MBOAT2: variants seen among roughly 807,000 people sequenced by gnomAD.
MBOAT2 encodes the protein membrane-bound glycerophospholipid O-acyltransferase 2.
Under a neutral mutation model 63.4 loss-of-function variants are expected in MBOAT2, and 28 were observed. The observed-to-expected ratio is 0.44, with a 90% CI of 0.33 to 0.61. The LOEUF is 0.61. Ranked by LOEUF, MBOAT2 falls within the 20% of genes least tolerant of loss-of-function variation. The pLI is 0.03. For missense variants in MBOAT2, 470 were observed against 605.8 expected (o/e 0.78, Z 2.35); for synonymous variants, 211 against 215.6 (o/e 0.98, Z 0.19).
chr2:8,974,759 AC>A (rs981180986), intron 1 of MBOAT2, among the ~76,000 whole-genome samples: 4 of 152,164 alleles, frequency 2.6e-5, no homozygotes, highest in African/African-American at 9.7e-5. Context: ...AAATTTCCAA[AC>A]AAGAAGCTAA....
At chr2:8,926,502 G>A (rs1666942614) in intron 3 of MBOAT2, among the ~76,000 whole-genome samples, 1 of 152,168 alleles carries the variant, frequency 6.6e-6, no homozygotes, top group Non-Finnish European at 1.5e-5. Context: ...TTCATGTTGG[G>A]GGCAGGGGGC....
intron 1 of MBOAT2, among the ~76,000 whole-genome samples, chr2:8,977,392 T>C (rs1051807322): frequency 1.3e-5 from 2 of 152,134 alleles, no homozygotes; most frequent in Admixed American, 6.5e-5. Flanking sequence ...TACTGAAATG[T>C]CTGTATTTCT....
chr2:8,879,874 C>T (rs943623267), intron 6 of MBOAT2, among the ~76,000 whole-genome samples: 2 of 152,022 alleles, frequency 1.3e-5, no homozygotes, highest in African/African-American at 4.8e-5. Flanking sequence ...GACAGTAATA[C>T]CTACTATGAG....
At chr2:8,922,277 T>C (rs567110320) in intron 3 of MBOAT2, among the ~76,000 whole-genome samples, 3 of 152,278 alleles carry the variant, frequency 2.0e-5, no homozygotes, top group Non-Finnish European at 2.9e-5. Context: ...ATCCTCCTTA[T>C]CTTAATTCTT....
At chr2:8,882,624 C>A in intron 5 of MBOAT2, 59 bp from the exon 6 acceptor site, 2 of 1,445,542 alleles carry the variant, frequency 1.4e-6, no homozygotes, top group Non-Finnish European at 9.7e-7. Context: ...GGCATTTTTG[C>A]CCATGCACAC....
chr2:8,922,626 G>C (rs1162132731), intron 3 of MBOAT2, among the ~76,000 whole-genome samples: 1 of 152,212 alleles, frequency 6.6e-6, no homozygotes, highest in Admixed American at 6.5e-5. Flanking sequence ...TGAGTGGTCA[G>C]TCAATGATTA....
In MBOAT2 at chr2:8,854,026, G is replaced by C. The variant is rs1320901386; in HGVS notation, c.*4653C>G. 1 of 152,174 alleles carries C rather than the reference G, an allele frequency of 6.6e-6. No homozygotes were observed. Among genetic ancestry groups the C allele is most frequent in the African/African-American group, 2.4e-5 (1 of 41,438 alleles). 9.4% of individuals were successfully genotyped at this position (152,174 alleles called of 1,614,324 possible). A position where few individuals can be genotyped will look rare whatever the true frequency, so the allele number is the denominator to read the frequency against. The stretch of plus-strand genomic sequence containing the variant: ...TGGCTGCAACCTCTGTACAAGAAAA[G>C]CCTCAAAAAGCAGCTTAAGCATTGA... On this transcript the variant is annotated 3_prime_UTR_variant, in exon 13 of 13. Transcript: ENST00000305997.
intron 9 of MBOAT2, among the ~76,000 whole-genome samples, chr2:8,865,731 G>A (rs1206043570): frequency 6.6e-6 from 1 of 152,152 alleles, no homozygotes; most frequent in Admixed American, 6.5e-5. Context: ...CTCCTGAAAC[G>A]GTTGTTCATA....
chr2:8,895,409 G>A (rs1046162886), intron 4 of MBOAT2, among the ~76,000 whole-genome samples: 3 of 152,176 alleles, frequency 2.0e-5, no homozygotes, highest in Non-Finnish European at 4.4e-5. Context: ...CAATCCTTTA[G>A]CTAGACACAG....
chr2:8,996,021 T>TC (rs1195233648), intron 1 of MBOAT2, among the ~76,000 whole-genome samples: 4 of 152,224 alleles, frequency 2.6e-5, no homozygotes, highest in African/African-American at 4.8e-5. Flanking sequence ...TCCCTGGCCC[T>TC]CATTGGGTAT....
intron 1 of MBOAT2, among the ~76,000 whole-genome samples, chr2:8,985,071 T>C (rs1375243984): frequency 6.6e-6 from 1 of 151,760 alleles, no homozygotes; most frequent in African/African-American, 2.4e-5. Flanking sequence ...TATATGCATA[T>C]AGTTCCTCAG....
At chr2:8,926,340 G>T (rs1414014792) in intron 3 of MBOAT2, among the ~76,000 whole-genome samples, 2 of 152,128 alleles carry the variant, frequency 1.3e-5, no homozygotes, top group Admixed American at 6.5e-5. Context: ...GTAATACAGT[G>T]CAATATGTGA....
chr2:8,896,081 C>CA (rs919164399), intron 4 of MBOAT2, among the ~76,000 whole-genome samples: 2 of 151,146 alleles, frequency 1.3e-5, no homozygotes, highest in Non-Finnish European at 3.0e-5. Context: ...ACTAAAAATG[C>CA]AAAAAAAATT....
At chr2:8,869,421 C>CA (rs796179653) in intron 8 of MBOAT2, among the ~76,000 whole-genome samples, 15 of 151,750 alleles carry the variant, frequency 9.9e-5, no homozygotes, top group African/African-American at 3.6e-4. Context: ...GCTTAAGCTG[C>CA]AAAAAAAATT....
chr2:8,944,781 A>C (rs902341972), intron 2 of MBOAT2, among the ~76,000 whole-genome samples: 5 of 152,070 alleles, frequency 3.3e-5, no homozygotes, highest in African/African-American at 9.7e-5. Context: ...CTTTTTTAAA[A>C]AACAATTAAA....
chr2:8,933,449 G>C (rs546767413), intron 3 of MBOAT2, among the ~76,000 whole-genome samples: 1 of 152,258 alleles, frequency 6.6e-6, no homozygotes, highest in South Asian at 2.1e-4. Flanking sequence ...CTTGGGTTCA[G>C]CAATCCTCCT....
intron 3 of MBOAT2, among the ~76,000 whole-genome samples, chr2:8,919,789 G>A (rs141212583): frequency 2.6e-5 from 4 of 151,752 alleles, no homozygotes; most frequent in African/African-American, 7.3e-5. Flanking sequence ...ACAGGTTCTC[G>A]CTGTTTCCCA....
intron 3 of MBOAT2, among the ~76,000 whole-genome samples, chr2:8,929,326 ATTTG>A (rs1667148922): frequency 6.7e-6 from 1 of 148,288 alleles, no homozygotes; most frequent in East Asian, 1.9e-4. Flanking sequence ...CATTTTATTT[ATTTG>A]TTCATTCATT....
intron 2 of MBOAT2, among the ~76,000 whole-genome samples, chr2:8,945,353 G>C (rs1668341128): frequency 6.6e-6 from 1 of 152,096 alleles, no homozygotes; most frequent in South Asian, 2.1e-4. Flanking sequence ...TACTCTGCTT[G>C]TTCTCATTGG....
Sources: gnomAD v4.1 joint callset for allele counts (sites outside exome capture counted in the v4.1 genomes callset) on GRCh38, gnomAD v4.1.1 for gene constraint, MANE v1.5 for transcripts, NCBI Gene and HGNC (gene_info 2026-07-23, HGNC 2026-07-21) for gene names.